The following USH2A variants were observed in gnomAD, a reference collection of about 807,000 sequenced individuals.
The protein encoded by USH2A is Usher syndrome 2A (autosomal recessive, mild).
Under a neutral mutation model 538.9 loss-of-function variants are expected in USH2A, and 443 were observed. That is an observed-to-expected ratio of 0.82 (90% CI 0.76 to 0.89). The LOEUF (loss-of-function observed/expected upper bound fraction) is 0.89, where lower values mean the gene tolerates loss of function less well. Among genes scored for constraint, USH2A ranks in the 40% least tolerant of loss-of-function variants. The pLI, the probability that USH2A is intolerant of heterozygous loss-of-function variation, is 0.00. For synonymous variants in USH2A, 2,413 were observed against 2,273.5 expected (o/e 1.06, Z -1.75); for missense variants, 6,633 against 6,324.8 (o/e 1.05, Z -1.65).
chr1:216,142,101 C>T (rs1226573759), intron 21 of USH2A, among the ~76,000 whole-genome samples: 2 of 152,156 alleles, frequency 1.3e-5, no homozygotes, highest in Non-Finnish European at 2.9e-5. Flanking sequence ...GGTACTTCTA[C>T]AGGTATTTTC....
chr1:216,413,851 T>C (rs959966842), intron 3 of USH2A, among the ~76,000 whole-genome samples: 1 of 152,106 alleles, frequency 6.6e-6, no homozygotes, highest in Non-Finnish European at 1.5e-5. Flanking sequence ...GCATAATTAC[T>C]AGAAGGATGA....
chr1:215,891,780 G>A lies in USH2A; in HGVS notation c.7595-2726C>T, dbSNP rs572681848. Among the ~76,000 whole-genome samples the A allele has an allele frequency of 2.0e-4, 30 of 152,154 alleles. No homozygotes were observed. The South Asian group carries it at 2.1e-3, about 11-fold the overall frequency. On this transcript the variant is annotated intron_variant, in intron 40 of 71. Transcript: ENST00000307340. Reference sequence around the variant, plus strand: ...GTGGAGTATAACATGTTGTCAATGCGGCTGTCACTGGAGGGGAGACTGGGA... The same window carrying A: ...GTGGAGTATAACATGTTGTCAATGCAGCTGTCACTGGAGGGGAGACTGGGA...
intron 9 of USH2A, among the ~76,000 whole-genome samples, chr1:216,320,592 A>G (rs1043884591): frequency 3.0e-4 from 45 of 152,306 alleles, no homozygotes; most frequent in African/African-American, 1.1e-3. Context: ...GTTAAAGGTT[A>G]TATTCCCACA....
At chr1:215,798,374 C>T (rs1410684394) in intron 50 of USH2A, among the ~76,000 whole-genome samples, 1 of 152,116 alleles carries the variant, frequency 6.6e-6, no homozygotes, top group Admixed American at 6.6e-5. Context: ...TGTCTAATAT[C>T]TAATGTCTGA....
chr1:216,300,742 T>TTC (rs1491417371), intron 9 of USH2A, among the ~76,000 whole-genome samples: 1 of 122,308 alleles, frequency 8.2e-6, no homozygotes, highest in African/African-American at 3.8e-5. Flanking sequence ...AGACTCAATG[T>TTC]TTTTTTTTTT....
Position 216,405,463 on chromosome 1 carries a change from T to C in USH2A, c.651+13051A>G, listed in dbSNP as rs529173757. ...TGAACACCATTAGTCATTAAAGAAA[T>C]GCAAAATAAAACCACAGTGATATAT... On this transcript the variant is annotated intron_variant, in intron 3 of 71. Coordinates refer to ENST00000307340, the MANE Select transcript of USH2A (RefSeq NM_206933.4). Among the ~76,000 whole-genome samples, 29 of 152,138 alleles carry C rather than the reference T, an allele frequency of 1.9e-4. No individual in the cohort carries two copies. The South Asian group carries it at 2.3e-3, about 12-fold the overall frequency.
At chr1:215,988,956 C>G (rs184381669) in intron 35 of USH2A, among the ~76,000 whole-genome samples, 2 of 152,144 alleles carry the variant, frequency 1.3e-5, no homozygotes, top group Non-Finnish European at 2.9e-5. Context: ...CAGACTTTCA[C>G]GAGTAGGAGA....
chr1:215,938,556 G>C (rs1396321227), intron 37 of USH2A, among the ~76,000 whole-genome samples: 1 of 152,118 alleles, frequency 6.6e-6, no homozygotes, highest in African/African-American at 2.4e-5. Flanking sequence ...AATCAAGCTT[G>C]AAAATGTGAA....
chr1:216,289,552 C>A, intron 10 of USH2A, 142 bp from the exon 11 acceptor site: 14 of 1,080,746 alleles, frequency 1.3e-5, no homozygotes, highest in Non-Finnish European at 1.8e-5. Context: ...TCTCTACCTG[C>A]CAATTTAGTG....
Position 215,934,616 on chromosome 1 carries a change from C to A in USH2A, c.7300G>T (p.Ala2434Ser), listed in dbSNP as rs1558169061. ...DPITIAMPPG[A>S]PDGVLPPRLS... ...ATAGCCAACATTTGCATAGACTTACCTCCTGGAGGCATTGCAATTGTTATA... is the reference window on the plus strand; with the variant it reads ...ATAGCCAACATTTGCATAGACTTACATCCTGGAGGCATTGCAATTGTTATA... The change falls in exon 38 of 72, where the codon GCT becomes TCT. Residue 2434 changes from alanine to serine, a missense_variant and splice_region_variant. Ala to Ser is a moderately conservative substitution (Grantham distance 99, BLOSUM62 1). Transcript: ENST00000307340. The A allele has an allele frequency of 1.9e-6, 3 of 1,611,832 alleles. No individual in the cohort carries two copies. The highest frequency in any genetic ancestry group is 2.5e-6 in the Non-Finnish European group (3 of 1,178,526).
rs1303994539 is a variant in USH2A at position 216,394,739 on chromosome 1, G to C, written c.651+23775C>G. ...TCCAGTCTTTTTTTTTTTTTTTTGA[G>C]ACAGAGTCTCGCTCTGTCGCCCAGG... is the stretch of plus-strand genomic sequence containing the variant. On this transcript the variant is annotated intron_variant, in intron 3 of 71. Transcript: ENST00000307340. 1.4e-4 allele frequency among the ~76,000 whole-genome samples: 3 copies of C among 20,864 alleles called. No homozygotes were observed. The East Asian group carries it at 0.012, about 83-fold the overall frequency. The allele number at this position is 20,864 out of a possible 152,430, so 13.7% of individuals were successfully genotyped here. A position where few individuals can be genotyped will look rare whatever the true frequency, so the allele number is the denominator to read the frequency against.
chr1:215,699,783 TTGAATA>T (rs1341676723), intron 61 of USH2A, among the ~76,000 whole-genome samples: 3 of 152,232 alleles, frequency 2.0e-5, no homozygotes, highest in Non-Finnish European at 4.4e-5. Context: ...CTCTTCCTAT[TTGAATA>T]TGCTTTATTT....
Position 216,086,541 on chromosome 1 carries a change from AG to A in USH2A, c.4987+177del, listed in dbSNP as rs775114455. On this transcript the variant is annotated intron_variant, in intron 24 of 71. Coordinates refer to ENST00000307340, the MANE Select transcript of USH2A (RefSeq NM_206933.4). Reference sequence around the variant, plus strand: ...ACCGAGTACTAACAATATAAATACAAGTCATATGGAATACATGGTTCCTTTA... The same window carrying A: ...ACCGAGTACTAACAATATAAATACAATCATATGGAATACATGGTTCCTTTA... Among the ~76,000 whole-genome samples, 192 of 152,286 alleles carry A rather than the reference AG, an allele frequency of 1.3e-3. 3 individuals carry two copies. Among genetic ancestry groups the A allele is most frequent in the Non-Finnish European group, 2.4e-3 (161 of 68,018 alleles).
At chr1:216,031,849 T>C (rs1387912993) in intron 32 of USH2A, among the ~76,000 whole-genome samples, 1 of 152,196 alleles carries the variant, frequency 6.6e-6, no homozygotes, top group Non-Finnish European at 1.5e-5. Flanking sequence ...TGCGCATTAA[T>C]AGTTCTGTGT....
intron 38 of USH2A, among the ~76,000 whole-genome samples, chr1:215,905,782 TA>T (rs780619477): frequency 6.6e-6 from 1 of 152,060 alleles, no homozygotes; most frequent in Non-Finnish European, 1.5e-5. Flanking sequence ...GCTAATTCAC[TA>T]GGAATCTGAC....
chr1:216,201,011 C>CCCTTCCTTCCTTCCTTCCTT (rs1246221491), intron 16 of USH2A, among the ~76,000 whole-genome samples: 6 of 39,034 alleles, frequency 1.5e-4, no homozygotes, highest in Admixed American at 1.1e-3. Context: ...CTCCCTCCCT[C>CCCTTCCTTCCTTCCTTCCTT]CCTTCCTTCC....
At chr1:215,694,568 A>G (rs950328974) in intron 61 of USH2A, among the ~76,000 whole-genome samples, 1 of 151,954 alleles carries the variant, frequency 6.6e-6, no homozygotes. Context: ...GAGAGACTCC[A>G]TCTCAAAACA....
intron 52 of USH2A, among the ~76,000 whole-genome samples, chr1:215,786,415 C>A (rs975507663): frequency 6.6e-6 from 1 of 152,164 alleles, no homozygotes; most frequent in Non-Finnish European, 1.5e-5. Flanking sequence ...GTAAAGGTCA[C>A]AGATATCTCC....
intron 3 of USH2A, among the ~76,000 whole-genome samples, chr1:216,365,286 G>A (rs2038574082): frequency 6.6e-6 from 1 of 152,068 alleles, no homozygotes; most frequent in Non-Finnish European, 1.5e-5. Flanking sequence ...ATTTTGTGCT[G>A]TGATGATATC....
Sources: allele counts gnomAD v4.1 joint callset (sites outside exome capture counted in the v4.1 genomes callset), GRCh38; gene constraint gnomAD v4.1.1; transcripts MANE v1.5; gene names NCBI Gene and HGNC (gene_info 2026-07-23, HGNC 2026-07-21).